The following GSE1 variants were observed in gnomAD, a reference collection of about 807,000 sequenced individuals.
GSE1 encodes the protein genetic suppressor element 1.
Under a neutral mutation model 112.6 loss-of-function variants are expected in GSE1, and 32 were observed. That is an observed-to-expected ratio of 0.28 (90% CI 0.21 to 0.38). GSE1 has a LOEUF of 0.38. Ranked by LOEUF, GSE1 falls within the 10% of genes least tolerant of loss-of-function variation. The probability of loss-of-function intolerance (pLI) is 1.00; values close to 1 mark genes in which losing one functional copy is unlikely to be tolerated. For missense variants in GSE1, 2,348 were observed against 1,699.2 expected, an observed-to-expected ratio of 1.38 and a Z score of -6.71; for synonymous variants, 1,115 against 735.6, an observed-to-expected ratio of 1.52 and a Z score of -8.35.
intron 1 of GSE1, among the ~76,000 whole-genome samples, chr16:85,580,823 C>T (rs1050006958): frequency 6.6e-6 from 1 of 152,214 alleles, no homozygotes; most frequent in African/African-American, 2.4e-5. Context: ...GAGCTCTCGG[C>T]CAGAAGGCAG....
At chr16:85,183,871 C>T (rs896619337) in intron 1 of GSE1, among the ~76,000 whole-genome samples, 1 of 152,194 alleles carries the variant, frequency 6.6e-6, no homozygotes, top group East Asian at 1.9e-4. Flanking sequence ...TCTCAGATAC[C>T]ACCCTTTGCC....
chr16:85,505,698 C>T (rs755673574), intron 2 of GSE1, among the ~76,000 whole-genome samples: 32 of 152,126 alleles, frequency 2.1e-4, no homozygotes, highest in Admixed American at 5.2e-4. Flanking sequence ...ACAGAATCTT[C>T]TGGAAACTCT....
At chr16:85,393,593 G>A (rs1398234597) in intron 2 of GSE1, among the ~76,000 whole-genome samples, 1 of 152,224 alleles carries the variant, frequency 6.6e-6, no homozygotes, top group African/African-American at 2.4e-5. Context: ...GACTACTACT[G>A]AGTCCCAAAG....
chr16:85,295,404 C>G (rs1457851275), intron 1 of GSE1, among the ~76,000 whole-genome samples: 1 of 152,274 alleles, frequency 6.6e-6, no homozygotes, highest in Non-Finnish European at 1.5e-5. Flanking sequence ...CACATCAGCC[C>G]TTTTATGGCT....
intron 2 of GSE1, among the ~76,000 whole-genome samples, chr16:85,531,217 T>C (rs2044124926): frequency 6.6e-6 from 1 of 152,198 alleles, no homozygotes; most frequent in African/African-American, 2.4e-5. Context: ...AGCCCCACTG[T>C]GGGCACAGCT....
chr16:85,237,105 C>T (rs1406095356), intron 1 of GSE1, among the ~76,000 whole-genome samples: 2 of 152,122 alleles, frequency 1.3e-5, no homozygotes. Flanking sequence ...GTGGGTGAAT[C>T]ACAAGGTCAG....
intron 1 of GSE1, among the ~76,000 whole-genome samples, chr16:85,350,187 A>G (rs1014591933): frequency 2.0e-5 from 3 of 152,184 alleles, no homozygotes; most frequent in African/African-American, 7.2e-5. Context: ...TTACTAGCCC[A>G]CTTTCCGGAG....
chr16:85,422,391 G>A (rs1212236307), intron 2 of GSE1, among the ~76,000 whole-genome samples: 1 of 152,088 alleles, frequency 6.6e-6, no homozygotes, highest in Non-Finnish European at 1.5e-5. Context: ...CCCCTGTGGA[G>A]CCACTAAATG....
intron 1 of GSE1, among the ~76,000 whole-genome samples, chr16:85,213,932 C>T (rs1354860805): frequency 2.0e-5 from 3 of 152,188 alleles, no homozygotes; most frequent in African/African-American, 4.8e-5. Flanking sequence ...CAGTCCTCCC[C>T]GCAGAGATTT....
intron 1 of GSE1, among the ~76,000 whole-genome samples, chr16:85,249,760 G>A (rs532014027): frequency 3.9e-5 from 6 of 152,350 alleles, no homozygotes; most frequent in Middle Eastern, 3.4e-3. Context: ...CTTGGAGTCG[G>A]GGCTGCCCCT....
intron 2 of GSE1, among the ~76,000 whole-genome samples, chr16:85,372,957 A>T (rs2047334134): frequency 6.6e-6 from 1 of 152,240 alleles, no homozygotes; most frequent in Non-Finnish European, 1.5e-5. Flanking sequence ...AAGCCAGGCC[A>T]TGTGGCACAG....
intron 1 of GSE1, among the ~76,000 whole-genome samples, chr16:85,279,553 A>C (rs999546278): frequency 7.2e-5 from 11 of 152,116 alleles, no homozygotes; most frequent in African/African-American, 2.2e-4. Context: ...TCAAGATCGC[A>C]CCACTGCACT....
intron 1 of GSE1, among the ~76,000 whole-genome samples, chr16:85,274,990 A>C (rs914929887): frequency 6.6e-6 from 1 of 152,226 alleles, no homozygotes; most frequent in African/African-American, 2.4e-5. Flanking sequence ...CTTGAGGCTC[A>C]AAGCGTTCCT....
chr16:85,646,579 C>T (rs2050886506), intron 2 of GSE1, among the ~76,000 whole-genome samples: 1 of 152,204 alleles, frequency 6.6e-6, no homozygotes, highest in South Asian at 2.1e-4. Context: ...GCTGTGTGTG[C>T]CTCTTGGGGG....
At chr16:85,340,262 A>G (rs1234954867) in intron 1 of GSE1, among the ~76,000 whole-genome samples, 1 of 152,166 alleles carries the variant, frequency 6.6e-6, no homozygotes, top group Non-Finnish European at 1.5e-5. Flanking sequence ...AGACAGGAGG[A>G]TCACTTGAGC....
chr16:85,479,415 C>T (rs562676770), intron 2 of GSE1, among the ~76,000 whole-genome samples: 45 of 151,216 alleles, frequency 3.0e-4, no homozygotes, highest in Admixed American at 1.1e-3. Flanking sequence ...GTGATCTGCA[C>T]GTCTCAGCCT....
intron 1 of GSE1, among the ~76,000 whole-genome samples, chr16:85,257,020 C>G (rs905247173): frequency 7.0e-6 from 1 of 142,396 alleles, no homozygotes; most frequent in East Asian, 1.9e-4. Flanking sequence ...AGGTGGGAGT[C>G]TTTGGGTGGG....
intron 1 of GSE1, among the ~76,000 whole-genome samples, chr16:85,331,637 ATG>A (rs1567693341): frequency 1.6e-5 from 2 of 124,768 alleles, no homozygotes; most frequent in Non-Finnish European, 1.7e-5. Flanking sequence ...ATGTGTATAT[ATG>A]TGTGTATATA....
At chr16:85,197,906 G>C (rs753251707) in intron 1 of GSE1, among the ~76,000 whole-genome samples, 9 of 152,192 alleles carry the variant, frequency 5.9e-5, no homozygotes, top group Non-Finnish European at 8.8e-5. Context: ...CGTGGTTCTC[G>C]TGAGGTGTGT....
Sources: gnomAD v4.1 joint callset for allele counts (sites outside exome capture counted in the v4.1 genomes callset) on GRCh38, gnomAD v4.1.1 for gene constraint, MANE v1.5 for transcripts, NCBI Gene and HGNC (gene_info 2026-07-23, HGNC 2026-07-21) for gene names.